Variants in SEMA5A observed in about 807,000 individuals in gnomAD.
SEMA5A encodes the protein semaphorin-5A.
A neutral mutation model predicts 135.5 loss-of-function variants in SEMA5A; 55 were observed. That is an observed-to-expected ratio of 0.41 (90% CI 0.33 to 0.51). The LOEUF (loss-of-function observed/expected upper bound fraction) is 0.51. Among genes scored for constraint, SEMA5A ranks in the 20% least tolerant of loss-of-function variants. The pLI, the probability that SEMA5A is intolerant of heterozygous loss-of-function variation, is 0.37. For synonymous variants in SEMA5A, 580 were observed against 546.5 expected, an observed-to-expected ratio of 1.06 and a Z score of -0.85; for missense variants, 1,290 against 1,419.9, an observed-to-expected ratio of 0.91 and a Z score of 1.47.
intron 5 of SEMA5A, among the ~76,000 whole-genome samples, chr5:9,249,379 T>G (rs998996276): frequency 6.6e-6 from 1 of 152,184 alleles, no homozygotes. Flanking sequence ...CCATGCCATT[T>G]CTGGTCACGT....
chr5:9,372,841 A>G (rs1755200020), intron 3 of SEMA5A, among the ~76,000 whole-genome samples: 1 of 152,216 alleles, frequency 6.6e-6, no homozygotes, highest in Non-Finnish European at 1.5e-5. Flanking sequence ...TCCTTCACTC[A>G]TCCAGCATGC....
chr5:9,503,473 A>G (rs573215547), intron 1 of SEMA5A, among the ~76,000 whole-genome samples: 13 of 152,318 alleles, frequency 8.5e-5, no homozygotes, highest in Non-Finnish European at 1.6e-4. Flanking sequence ...GCCAAACACA[A>G]GAGCCTGGGC....
chr5:9,537,451 A>G lies in SEMA5A; in HGVS notation c.-175+8133T>C, dbSNP rs117280452. 1.3e-3 allele frequency among the ~76,000 whole-genome samples: 196 copies of G among 152,118 alleles called. 8 individuals are homozygous for G. In the East Asian group the frequency reaches 0.033, roughly 26 times the overall value. The stretch of plus-strand genomic sequence containing the variant: ...TACCTAAACAGTATTTTATTGACTA[A>G]CTGAAACCATCAAAAGTGGTATGAA... On this transcript the variant is annotated intron_variant, in intron 1 of 22. Coordinates refer to ENST00000382496, the MANE Select transcript of SEMA5A (RefSeq NM_003966.3).
rs529498022 is a variant in SEMA5A at position 9,464,636 on chromosome 5, C to T, written c.-174-26784G>A. On this transcript the variant is annotated intron_variant, in intron 1 of 22. Coordinates refer to ENST00000382496, the MANE Select transcript of SEMA5A (RefSeq NM_003966.3). ...AATCCATTTGAAATTCCAAAGCCCC[C>T]GTTGAGGGAGCTGGGCCCCAGGCTT... is the stretch of plus-strand genomic sequence containing the variant. Among the ~76,000 whole-genome samples the T allele has an allele frequency of 1.6e-4, 25 of 152,290 alleles. No homozygotes were observed. In the South Asian group the frequency reaches 3.7e-3, roughly 23 times the overall value.
intron 5 of SEMA5A, among the ~76,000 whole-genome samples, chr5:9,276,782 C>T (rs1188873425): frequency 6.6e-6 from 1 of 152,088 alleles, no homozygotes; most frequent in Non-Finnish European, 1.5e-5. Context: ...AAACTGGATC[C>T]CTTCCTTACA....
chr5:9,362,652 C>A (rs750986823), intron 3 of SEMA5A, among the ~76,000 whole-genome samples: 24 of 151,932 alleles, frequency 1.6e-4, no homozygotes, highest in African/African-American at 5.8e-4. Flanking sequence ...AATTATATCC[C>A]AAAAAAAGAG....
intron 18 of SEMA5A, among the ~76,000 whole-genome samples, chr5:9,057,219 T>A (rs1405706571): frequency 6.6e-6 from 1 of 152,216 alleles, no homozygotes; most frequent in Non-Finnish European, 1.5e-5. Flanking sequence ...GTTGTATACC[T>A]ATACTTAACA....
At chr5:9,496,380 A>G (rs983683386) in intron 1 of SEMA5A, among the ~76,000 whole-genome samples, 9 of 152,200 alleles carry the variant, frequency 5.9e-5, no homozygotes, top group Admixed American at 3.3e-4. Context: ...AATAATGTCA[A>G]CTAATGAAGA....
At chr5:9,360,137 G>A (rs1427182749) in intron 3 of SEMA5A, among the ~76,000 whole-genome samples, 1 of 152,190 alleles carries the variant, frequency 6.6e-6, no homozygotes, top group Non-Finnish European at 1.5e-5. Context: ...ACTGGCCTTT[G>A]CAGGTATTAA....
At chr5:9,212,710 T>C (rs1170982076) in intron 8 of SEMA5A, among the ~76,000 whole-genome samples, 1 of 152,218 alleles carries the variant, frequency 6.6e-6, no homozygotes, top group East Asian at 1.9e-4. Flanking sequence ...CTGCTATTTG[T>C]GAAGTGTGCT....
intron 1 of SEMA5A, among the ~76,000 whole-genome samples, chr5:9,505,274 C>T (rs1278298509): frequency 6.6e-6 from 1 of 152,160 alleles, no homozygotes; most frequent in Non-Finnish European, 1.5e-5. Context: ...AGGCAAAAGG[C>T]AAAAGCATTT....
At chr5:9,244,872 TC>T (rs2150473122) in intron 5 of SEMA5A, among the ~76,000 whole-genome samples, 1 of 152,230 alleles carries the variant, frequency 6.6e-6, no homozygotes, top group African/African-American at 2.4e-5. Flanking sequence ...CTTCCACACT[TC>T]AATTTGCCCT....
chr5:9,527,470 A>G (rs761142386), intron 1 of SEMA5A, among the ~76,000 whole-genome samples: 24 of 151,980 alleles, frequency 1.6e-4, no homozygotes, highest in Non-Finnish European at 3.2e-4. Context: ...GCAAATTCCA[A>G]TTTTTCCTCT....
chr5:9,264,555 C>G (rs536751115), intron 5 of SEMA5A, among the ~76,000 whole-genome samples: 56 of 152,268 alleles, frequency 3.7e-4, no homozygotes, highest in Non-Finnish European at 7.2e-4. Context: ...AGCTGAACCA[C>G]TTGAGAAGAA....
intron 5 of SEMA5A, among the ~76,000 whole-genome samples, chr5:9,240,823 G>C (rs1467780896): frequency 6.6e-6 from 1 of 151,992 alleles, no homozygotes; most frequent in Admixed American, 6.6e-5. Flanking sequence ...GAGAAGCCAC[G>C]TGTCCACTTG....
At chr5:9,078,470 T>C (rs1284598222) in intron 16 of SEMA5A, among the ~76,000 whole-genome samples, 1 of 151,944 alleles carries the variant, frequency 6.6e-6, no homozygotes, top group East Asian at 1.9e-4. Flanking sequence ...AGGACTGTCA[T>C]GAATTTGCCT....
At chr5:9,263,818 A>C (rs2150522269) in intron 5 of SEMA5A, among the ~76,000 whole-genome samples, 1 of 152,314 alleles carries the variant, frequency 6.6e-6, no homozygotes, top group African/African-American at 2.4e-5. Flanking sequence ...CTCATGGCTG[A>C]GTTTTCCCTG....
At chr5:9,358,326 G>A (rs1042752299) in intron 3 of SEMA5A, among the ~76,000 whole-genome samples, 1 of 152,136 alleles carries the variant, frequency 6.6e-6, no homozygotes, top group African/African-American at 2.4e-5. Flanking sequence ...ACTGTAGTGA[G>A]TGCTTTTGGT....
intron 3 of SEMA5A, among the ~76,000 whole-genome samples, chr5:9,360,565 C>A (rs1056351860): frequency 3.3e-5 from 5 of 152,156 alleles, no homozygotes; most frequent in Non-Finnish European, 4.4e-5. Context: ...TTAGTACACA[C>A]TCTTGGAAAT....
Sources: allele counts gnomAD v4.1 joint callset (sites outside exome capture counted in the v4.1 genomes callset), GRCh38; gene constraint gnomAD v4.1.1; transcripts MANE v1.5; gene names NCBI Gene and HGNC (gene_info 2026-07-23, HGNC 2026-07-21).